FERRY3: variants seen among roughly 807,000 people sequenced by gnomAD.
FERRY3 encodes the protein protein C12orf4.
At chr12:4,516,375 A>G in the FERRY3 span, among the ~76,000 whole-genome samples, 1 of 152,230 alleles carries the variant, frequency 6.6e-6, no homozygotes, top group Non-Finnish European at 1.5e-5. Context: ...GTATATATCC[A>G]AAGGAATAGA....
the FERRY3 span, chr12:4,489,426 T>G: frequency 6.5e-6 from 1 of 154,962 alleles, no homozygotes; most frequent in Non-Finnish European, 1.4e-5. Flanking sequence ...TTTGTTTGTA[T>G]GTTTAATTAA....
chr12:4,532,680 A>G, the FERRY3 span, among the ~76,000 whole-genome samples: 2 of 152,124 alleles, frequency 1.3e-5, no homozygotes, highest in Non-Finnish European at 2.9e-5. Flanking sequence ...ATTTAACCTC[A>G]TCAGGACCTC....
the FERRY3 span, among the ~76,000 whole-genome samples, chr12:4,505,998 T>C: frequency 1.3e-5 from 2 of 152,184 alleles, no homozygotes; most frequent in African/African-American, 4.8e-5. Flanking sequence ...AGCTTTTTTT[T>C]CAGATATTTA....
At chr12:4,523,601 C>T in the FERRY3 span, among the ~76,000 whole-genome samples, 1 of 152,130 alleles carries the variant, frequency 6.6e-6, no homozygotes, top group Non-Finnish European at 1.5e-5. Flanking sequence ...AAATGTGGCA[C>T]ATATACACCA....
the FERRY3 span, chr12:4,530,180 G>A: frequency 1.3e-6 from 1 of 745,654 alleles, no homozygotes; most frequent in Middle Eastern, 2.6e-4. Context: ...ATATATGTGT[G>A]TGTAAATATA....
chr12:4,508,095 T>C, the FERRY3 span, among the ~76,000 whole-genome samples: 5,496 of 152,248 alleles, frequency 0.036, 320 homozygotes, highest in African/African-American at 0.12. Context: ...CAGTGAACCC[T>C]AGTCAAGTTA....
At chr12:4,521,130 G>A in the FERRY3 span, among the ~76,000 whole-genome samples, 2 of 152,312 alleles carry the variant, frequency 1.3e-5, no homozygotes, top group African/African-American at 4.8e-5. Context: ...GGAGGCCGAG[G>A]TGGGCGAATC....
the FERRY3 span, among the ~76,000 whole-genome samples, chr12:4,533,583 A>G: frequency 4.6e-5 from 7 of 152,212 alleles, no homozygotes; most frequent in Non-Finnish European, 1.0e-4. Flanking sequence ...TTCTTAGTAA[A>G]TAAAATCATT....
the FERRY3 span, among the ~76,000 whole-genome samples, chr12:4,507,279 C>A: frequency 6.6e-6 from 1 of 151,814 alleles, no homozygotes; most frequent in South Asian, 2.1e-4. Context: ...GTTCTTTTTG[C>A]GAGGGTTGAT....
At chr12:4,499,234 G>C in the FERRY3 span, among the ~76,000 whole-genome samples, 1 of 152,116 alleles carries the variant, frequency 6.6e-6, no homozygotes, top group Non-Finnish European at 1.5e-5. Flanking sequence ...GGCTGGTCTT[G>C]AACTCTGGGC....
At chr12:4,506,040 T>C in the FERRY3 span, among the ~76,000 whole-genome samples, 1 of 152,180 alleles carries the variant, frequency 6.6e-6, no homozygotes, top group Admixed American at 6.5e-5. Flanking sequence ...AGGCACGCTA[T>C]TTCTTAGAAG....
the FERRY3 span, chr12:4,502,353 G>A: frequency 6.8e-6 from 3 of 438,242 alleles, no homozygotes; most frequent in Non-Finnish European, 1.4e-5. This position sits in a 1 kb window ranked among gnomAD's most constrained non-coding sequence, Gnocchi z 4.2. Flanking sequence ...TTGAATGAAT[G>A]AGTATTTAAG....
the FERRY3 span, chr12:4,490,705 T>TAGCC: frequency 1.3e-6 from 1 of 756,708 alleles, no homozygotes; most frequent in Non-Finnish European, 2.2e-6. Flanking sequence ...ACTTTTTAGG[T>TAGCC]AGCCATTTGC....
chr12:4,528,134 G>C, the FERRY3 span, among the ~76,000 whole-genome samples: 2 of 152,150 alleles, frequency 1.3e-5, no homozygotes, highest in African/African-American at 4.8e-5. Context: ...AGGAATGGAA[G>C]TATAGGGAGC....
the FERRY3 span, among the ~76,000 whole-genome samples, chr12:4,519,571 C>T: frequency 6.2e-4 from 94 of 152,270 alleles, no homozygotes; most frequent in African/African-American, 2.2e-3. This position sits in a 1 kb window ranked among gnomAD's most constrained non-coding sequence, Gnocchi z 4.3. Flanking sequence ...GGGCTAATCC[C>T]AACAGCCCCA....
At chr12:4,495,966 G>C in the FERRY3 span, among the ~76,000 whole-genome samples, 19 of 152,166 alleles carry the variant, frequency 1.2e-4, no homozygotes, top group Non-Finnish European at 2.5e-4. Context: ...TTAATTCTCA[G>C]ATGATATAAA....
chr12:4,526,298 A>G, the FERRY3 span, among the ~76,000 whole-genome samples: 3 of 152,210 alleles, frequency 2.0e-5, no homozygotes, highest in African/African-American at 7.2e-5. Flanking sequence ...GGCAATGGTT[A>G]CATGGTCGTG....
chr12:4,534,848 T>C, the FERRY3 span, among the ~76,000 whole-genome samples: 36 of 152,212 alleles, frequency 2.4e-4, no homozygotes, highest in Non-Finnish European at 2.9e-4. Flanking sequence ...AAGTCTTAAC[T>C]CTTACGTATT....
At chr12:4,522,302 C>T in the FERRY3 span, among the ~76,000 whole-genome samples, 4 of 152,216 alleles carry the variant, frequency 2.6e-5, no homozygotes, top group African/African-American at 7.2e-5. Flanking sequence ...GAAAATGAAA[C>T]GACAAGCCAC....
Sources: allele counts gnomAD v4.1 joint callset (sites outside exome capture counted in the v4.1 genomes callset), GRCh38; gene constraint gnomAD v4.1.1; non-coding constraint Gnocchi (gnomAD v3.1); transcripts MANE v1.5; gene names NCBI Gene and HGNC (gene_info 2026-07-23, HGNC 2026-07-21).